The following GALNT18 variants were observed in gnomAD, a reference collection of about 807,000 sequenced individuals.
The protein encoded by GALNT18 is polypeptide N-acetylgalactosaminyltransferase 18, also known as GalNAc-transferase 18.
A neutral mutation model predicts 69.5 loss-of-function variants in GALNT18; 44 were observed. That is an observed-to-expected ratio of 0.63 (90% confidence interval 0.50 to 0.81). GALNT18 has a LOEUF of 0.81. GALNT18 is among the 40% of genes least tolerant of loss of function. GALNT18 has a pLI of 0.00. For missense variants in GALNT18, 715 were observed against 810.0 expected (o/e 0.88, Z 1.42); for synonymous variants, 364 against 318.2 (o/e 1.14, Z -1.53).
intron 9 of GALNT18, among the ~76,000 whole-genome samples, chr11:11,299,457 T>G (rs922822455): frequency 9.2e-5 from 14 of 152,196 alleles, no homozygotes; most frequent in Non-Finnish European, 1.9e-4. Flanking sequence ...ATTGTGTATC[T>G]TTTATCCCTC....
rs1481599515 is a variant in GALNT18, at chr11:11,602,768, AAGAG to A, written c.235+18587_235+18590del. ...CCCCCTGTGATTTGCACTGCAAAAA[AAGAG>A]AGAATCATTTAGAGAACAGCTGGCT... On this transcript the variant is annotated intron_variant, in intron 1 of 10. Coordinates refer to ENST00000227756, the MANE Select transcript of GALNT18 (RefSeq NM_198516.3). This position sits in a 1 kb window ranked among gnomAD's most constrained non-coding sequence, Gnocchi z 4.7. Among the ~76,000 whole-genome samples, 1 of 152,178 alleles carries A rather than the reference AAGAG, an allele frequency of 6.6e-6. No individual in the cohort carries two copies. Among genetic ancestry groups the A allele is most frequent in the Non-Finnish European group, 1.5e-5 (1 of 68,028 alleles).
At chr11:11,534,275 T>G (rs1857723345) in intron 1 of GALNT18, among the ~76,000 whole-genome samples, 1 of 152,136 alleles carries the variant, frequency 6.6e-6, no homozygotes, top group African/African-American at 2.4e-5. Context: ...GAGGCTGATA[T>G]TCAAAGAGAC....
At chr11:11,327,299 A>G in intron 8 of GALNT18, 118 bp from the exon 9 acceptor site, 3 of 773,404 alleles carry the variant, frequency 3.9e-6, no homozygotes, top group Non-Finnish European at 6.5e-6. Flanking sequence ...AATCAGCCCA[A>G]GGCCCTTGAA....
At position 11,309,841 on chromosome 11, in the gene GALNT18, C is replaced by T. The variant is rs1849640107; in HGVS notation, c.1513-16648G>A. Among the ~76,000 whole-genome samples the T allele has an allele frequency of 6.6e-6, 1 of 152,178 alleles. No individual in the cohort carries two copies. The highest frequency in any genetic ancestry group is 1.5e-5 in the Non-Finnish European group (1 of 68,036). ...CAAACTTGTTCCTCCTGGGCCTCAGCAGAAGTTCATTTCCTGTGCTCCAGG... is the reference window on the plus strand; with the variant it reads ...CAAACTTGTTCCTCCTGGGCCTCAGTAGAAGTTCATTTCCTGTGCTCCAGG... On this transcript the variant is annotated intron_variant, in intron 9 of 10. Coordinates refer to ENST00000227756, the MANE Select transcript of GALNT18 (RefSeq NM_198516.3). This position sits in a 1 kb window ranked among gnomAD's most constrained non-coding sequence, Gnocchi z 4.6.
At position 11,387,649 on chromosome 11, in the gene GALNT18, G is replaced by C. The variant is rs959421824; in HGVS notation, c.596-8385C>G. Reference sequence around the variant, plus strand: ...AATGCTATGTCAACACATTTTAAAGGAGAGATTATTTATGAGGATGCAATG... The same window carrying C: ...AATGCTATGTCAACACATTTTAAAGCAGAGATTATTTATGAGGATGCAATG... On this transcript the variant is annotated intron_variant, in intron 3 of 10. Transcript: ENST00000227756. This position sits in a 1 kb window ranked among gnomAD's most constrained non-coding sequence, Gnocchi z 4.6. Among the ~76,000 whole-genome samples, 1 of 152,216 alleles carries C rather than the reference G, an allele frequency of 6.6e-6. No individual in the cohort carries two copies. Among genetic ancestry groups the C allele is most frequent in the Non-Finnish European group, 1.5e-5 (1 of 68,044 alleles).
chr11:11,275,230 C>G (rs151216447), intron 10 of GALNT18, among the ~76,000 whole-genome samples: 16 of 152,256 alleles, frequency 1.1e-4, no homozygotes, highest in African/African-American at 2.6e-4. Flanking sequence ...TTTTAATGAT[C>G]GCCATTCTAA....
chr11:11,287,134 G>GC (rs1485686815), intron 10 of GALNT18, among the ~76,000 whole-genome samples: 1 of 152,186 alleles, frequency 6.6e-6, no homozygotes, highest in Non-Finnish European at 1.5e-5. Context: ...GGACAACCCT[G>GC]CTGGGCCCTT....
At chr11:11,351,919 A>C in intron 6 of GALNT18, 1 of 1,523,266 alleles carries the variant, frequency 6.6e-7, no homozygotes, top group Middle Eastern at 1.8e-4. Flanking sequence ...ACCTCTGCTC[A>C]GGCATCAGGA....
At chr11:11,301,165 T>C (rs762117698) in intron 9 of GALNT18, among the ~76,000 whole-genome samples, 76 of 152,156 alleles carry the variant, frequency 5.0e-4, no homozygotes, top group Non-Finnish European at 2.8e-4. Flanking sequence ...CCGTCTTGAG[T>C]CTGATCAATA....
intron 1 of GALNT18, among the ~76,000 whole-genome samples, chr11:11,471,259 G>T (rs181688076): frequency 1.8e-4 from 27 of 152,244 alleles, no homozygotes; most frequent in Non-Finnish European, 3.7e-4. Flanking sequence ...AGAACATGGC[G>T]TCGGGCTCAG....
At position 11,586,595 on chromosome 11, in the gene GALNT18, A is replaced by T. The variant is rs1037895380; in HGVS notation, c.235+34764T>A. The stretch of plus-strand genomic sequence containing the variant: ...CCCTTTTGCTTAGGCTGTAGTCAGG[A>T]CATAGTTGATCTTTTAAAAAAAATA... On this transcript the variant is annotated intron_variant, in intron 1 of 10. Coordinates refer to ENST00000227756, the MANE Select transcript of GALNT18 (RefSeq NM_198516.3). This position sits in a 1 kb window ranked among gnomAD's most constrained non-coding sequence, Gnocchi z 4.1. 6.6e-6 allele frequency among the ~76,000 whole-genome samples: 1 copy of T among 152,106 alleles called. No individual in the cohort carries two copies. Among genetic ancestry groups the T allele is most frequent in the African/African-American group, 2.4e-5 (1 of 41,350 alleles).
intron 6 of GALNT18, among the ~76,000 whole-genome samples, chr11:11,359,291 A>T (rs930617598): frequency 7.1e-6 from 1 of 141,188 alleles, no homozygotes; most frequent in Admixed American, 7.0e-5. Context: ...ATGTGCTTCA[A>T]TAACACACAT....
In GALNT18 at chr11:11,511,757, C is replaced by T. The variant is rs527484154; in HGVS notation, c.236-62821G>A. Among the ~76,000 whole-genome samples, 121 of 152,244 alleles carry T rather than the reference C, an allele frequency of 7.9e-4. 3 individuals are homozygous for T. In the South Asian group the frequency reaches 0.025, roughly 32 times the overall value. On this transcript the variant is annotated intron_variant, in intron 1 of 10. Transcript: ENST00000227756. This position sits in a 1 kb window ranked among gnomAD's most constrained non-coding sequence, Gnocchi z 4.9. ...CTAAGAAGAGGCCAGAGAGCTCTCC[C>T]AGTCTCTTTTTGCCATGTGAGGATA...
In GALNT18 at chr11:11,613,883, C is replaced by T. The variant is rs1859976411; in HGVS notation, c.235+7476G>A. On this transcript the variant is annotated intron_variant, in intron 1 of 10. Coordinates refer to ENST00000227756, the MANE Select transcript of GALNT18 (RefSeq NM_198516.3). This position sits in a 1 kb window ranked among gnomAD's most constrained non-coding sequence, Gnocchi z 4.2. ...TTCCGCTTCATGCATAATTCCATCTCTCCCCAAAGCCCACCATGCTGCCTT... is the reference window on the plus strand; with the variant it reads ...TTCCGCTTCATGCATAATTCCATCTTTCCCCAAAGCCCACCATGCTGCCTT... 6.6e-6 allele frequency among the ~76,000 whole-genome samples: 1 copy of T among 152,210 alleles called. No individual in the cohort carries two copies. Among genetic ancestry groups the T allele is most frequent in the Non-Finnish European group, 1.5e-5 (1 of 68,044 alleles).
At chr11:11,409,087 A>T (rs1182186973) in intron 3 of GALNT18, among the ~76,000 whole-genome samples, 1 of 152,210 alleles carries the variant, frequency 6.6e-6, no homozygotes, top group African/African-American at 2.4e-5. Context: ...CCCTGGTACC[A>T]CAGGCTAGAG....
intron 1 of GALNT18, among the ~76,000 whole-genome samples, chr11:11,608,926 C>T (rs1859818593): frequency 6.6e-6 from 1 of 152,218 alleles, no homozygotes; most frequent in African/African-American, 2.4e-5. Context: ...AGTCCCTATT[C>T]CTCCATGAAG....
rs891818924 is a variant in GALNT18, at chr11:11,543,949, G to C, written c.235+77410C>G. ...AGCCAAGAAACATGAACAATAAAAA[G>C]CCAGTCCAGTCCTCTGTCACAATTG... On this transcript the variant is annotated intron_variant, in intron 1 of 10. Coordinates refer to ENST00000227756, the MANE Select transcript of GALNT18 (RefSeq NM_198516.3). This position sits in a 1 kb window ranked among gnomAD's most constrained non-coding sequence, Gnocchi z 5.1. 3.3e-5 allele frequency among the ~76,000 whole-genome samples: 5 copies of C among 152,202 alleles called. No individual in the cohort carries two copies. Among genetic ancestry groups the C allele is most frequent in the African/African-American group, 1.2e-4 (5 of 41,464 alleles).
At chr11:11,407,470 A>G (rs1854617683) in intron 3 of GALNT18, among the ~76,000 whole-genome samples, 1 of 152,180 alleles carries the variant, frequency 6.6e-6, no homozygotes, top group Non-Finnish European at 1.5e-5. Context: ...TTCAGCACAC[A>G]CGTCTCTGTT....
rs745436006 is a variant in GALNT18 at position 11,605,048 on chromosome 11, C to T, written c.235+16311G>A. 6.6e-6 allele frequency among the ~76,000 whole-genome samples: 1 copy of T among 152,144 alleles called. No homozygotes were observed. The highest frequency in any genetic ancestry group is 1.5e-5 in the Non-Finnish European group (1 of 68,032). ...ACGCTACTGCCTAAATGACTCTTCT[C>T]AAATTGAAAATATCAGAGAATAATA... On this transcript the variant is annotated intron_variant, in intron 1 of 10. Coordinates refer to ENST00000227756, the MANE Select transcript of GALNT18 (RefSeq NM_198516.3). The surrounding 1 kb of genome is among the most constrained non-coding windows in gnomAD (Gnocchi z 4.7).
Sources: gnomAD v4.1 joint callset for allele counts (sites outside exome capture counted in the v4.1 genomes callset) on GRCh38, gnomAD v4.1.1 for gene constraint, Gnocchi (gnomAD v3.1) non-coding constraint, MANE v1.5 for transcripts, NCBI Gene and HGNC (gene_info 2026-07-23, HGNC 2026-07-21) for gene names.